The following KHDC4 variants were observed in gnomAD, a reference collection of about 807,000 sequenced individuals.
KHDC4 encodes KH homology domain-containing protein 4.
In KHDC4, 19 loss-of-function variants were observed where a neutral mutation model predicts 74.5. That is an observed-to-expected ratio of 0.26 (90% CI 0.18 to 0.37). The LOEUF (loss-of-function observed/expected upper bound fraction) is 0.37, where lower values mean the gene tolerates loss of function less well. KHDC4 is among the 10% of genes least tolerant of loss of function. KHDC4 has a pLI of 1.00. For synonymous variants in KHDC4, 253 were observed against 266.1 expected (o/e 0.95, Z 0.48); for missense variants, 632 against 754.1 (o/e 0.84, Z 1.90).
At chr1:155,915,603 G>C (rs1451594552) in intron 13 of KHDC4, 1 of 403,886 alleles carries the variant, frequency 2.5e-6, no homozygotes, top group Non-Finnish European at 4.3e-6. Flanking sequence ...TGCCTCCCAG[G>C]TTGAAGCGAT....
chr1:155,916,669 T>C lies in KHDC4; in HGVS notation c.1509A>G (p.Gly503=). ...TGCCTGAGGAACTTGCTGGCTTCGA[T>C]CCTGCACCTTCAATCTCATTCTGAC... ...FSSQNEIEGA[G]SKPASSSGKE... is the part of the protein sequence containing the mutation. The change falls in exon 12 of 14, where the codon GGA becomes GGG. Residue 503 remains glycine, a synonymous_variant. Transcript: ENST00000368321. 1.2e-6 allele frequency: 2 copies of C among 1,614,030 alleles called. No individual in the cohort carries two copies.
chr1:155,925,891 A>G (rs1673980757), intron 6 of KHDC4, 48 bp from the exon 7 acceptor site: 1 of 1,392,264 alleles, frequency 7.2e-7, no homozygotes, highest in African/African-American at 1.4e-5. Flanking sequence ...ATATAATTAA[A>G]TCCTCAATCT....
At chr1:155,923,545 T>G in intron 8 of KHDC4, 82 bp downstream of exon 8, 1 of 1,047,604 alleles carries the variant, frequency 9.5e-7, no homozygotes, top group Non-Finnish European at 1.5e-6. Flanking sequence ...ACTAGGAAAC[T>G]AAACAGGTGA....
rs773608166 is a variant in KHDC4, at chr1:155,933,845, G to C, written c.43C>G (p.Arg15Gly). The C allele has an allele frequency of 6.5e-7, 1 of 1,542,306 alleles. No homozygotes were observed. Among genetic ancestry groups the C allele is most frequent in the South Asian group, 1.2e-5 (1 of 83,688 alleles). Residue 15 changes from arginine (R) to glycine (G), a missense_variant, in exon 2 of 14, where the codon CGC becomes GGC. Transcript: ENST00000368321. The stretch of plus-strand genomic sequence containing the variant: ...GGAGCTGGTTGGTCCCATTTGCTGC[G>C]GCGCCTACATGGAGAAAAAGGAAAA... ...SATHPGAGGRRSKWDQPAPAP... is the reference protein window; with the variant it reads ...SATHPGAGGRGSKWDQPAPAP...
chr1:155,926,287 T>C (rs1024555312), intron 6 of KHDC4, among the ~76,000 whole-genome samples: 2 of 151,894 alleles, frequency 1.3e-5, no homozygotes, highest in African/African-American at 4.8e-5. Flanking sequence ...GAATTTGGAA[T>C]TTCACGATTT....
chr1:155,919,060 T>G (rs1344866966), intron 10 of KHDC4, among the ~76,000 whole-genome samples: 1 of 144,186 alleles, frequency 6.9e-6, no homozygotes, highest in African/African-American at 2.5e-5. Flanking sequence ...CTCTGACTCC[T>G]GGGTTCAAGC....
rs1372350255 is a variant in KHDC4, at chr1:155,926,776, C to T, written c.581G>A (p.Ser194Asn). 2 of 1,614,030 alleles carry T rather than the reference C, an allele frequency of 1.2e-6. No individual in the cohort carries two copies. The highest frequency in any genetic ancestry group is 1.7e-6 in the Non-Finnish European group (2 of 1,180,024). Reference sequence around the variant, plus strand: ...TACTGTTGCACCATTAAAAGTTGGACTTGTTCCTGTGGCAGCTTTTACCAC... The same window carrying T: ...TACTGTTGCACCATTAAAAGTTGGATTTGTTCCTGTGGCAGCTTTTACCAC... ...NGVVKAATGT[S>N]PTFNGATVTV... The change falls in exon 6 of 14, where the codon AGT becomes AAT. Residue 194 changes from serine (S) to asparagine (N), a missense_variant. Transcript: ENST00000368321.
At chr1:155,934,038 T>C (rs988528426) in intron 1 of KHDC4, among the ~76,000 whole-genome samples, 189 bp from the exon 2 acceptor site, 2 of 152,110 alleles carry the variant, frequency 1.3e-5, no homozygotes, top group Non-Finnish European at 1.5e-5. Context: ...CTTTCAACCC[T>C]TCCCCAAAAT....
Position 155,922,335 on chromosome 1 carries a change from G to A in KHDC4, c.955-417C>T, listed in dbSNP as rs143667177. Among the ~76,000 whole-genome samples, 653 of 151,936 alleles carry A rather than the reference G, an allele frequency of 4.3e-3. 4 individuals are homozygous for A. The highest frequency in any genetic ancestry group is 0.015 in the African/African-American group (632 of 41,418). On this transcript the variant is annotated intron_variant, in intron 8 of 13. Coordinates refer to ENST00000368321, the MANE Select transcript of KHDC4 (RefSeq NM_014949.4). ...TAGTTTTTGTATTTTTAGTAGAGAC[G>A]GGGGTTTCACGATGTTGGCCAGGCT...
At chr1:155,923,548 A>G (rs1673915767) in intron 8 of KHDC4, 79 bp downstream of exon 8, 1 of 1,062,750 alleles carries the variant, frequency 9.4e-7, no homozygotes, top group Admixed American at 1.7e-5. Flanking sequence ...AGGAAACTAA[A>G]CAGGTGAAAG....
At chr1:155,926,102 A>G (rs1366482424) in intron 6 of KHDC4, 2 of 659,082 alleles carry the variant, frequency 3.0e-6, no homozygotes, top group Non-Finnish European at 5.7e-6. Context: ...TCAAGTTTAC[A>G]AATACAAATT....
At position 155,917,551 on chromosome 1, in the gene KHDC4, C is replaced by T. The variant is rs754017758; in HGVS notation, c.1388G>A (p.Arg463Gln). ...TTCATCTGGTAGCTCCTCTGTGAAT[C>T]GTCTCTTCTGTGCCTGGGGCTGACT... ...LPSQPQAQKR[R>Q]FTEELPDERE... The change falls in exon 11 of 14, where the codon CGA becomes CAA. Residue 463 changes from arginine (R) to glutamine (Q), a missense_variant. Around this residue, in one of 4 missense-constraint regions of KHDC4, gnomAD observed 254 missense variants for 267.4 expected, o/e 0.95. Coordinates refer to ENST00000368321, the MANE Select transcript of KHDC4 (RefSeq NM_014949.4). The T allele has an allele frequency of 1.4e-6, 2 of 1,411,460 alleles. No individual in the cohort carries two copies. 87.4% of individuals were successfully genotyped at this position (1,411,460 alleles called of 1,614,324 possible).
chr1:155,932,902 T>C (rs1043846248), intron 2 of KHDC4, among the ~76,000 whole-genome samples: 2 of 152,086 alleles, frequency 1.3e-5, no homozygotes, highest in Non-Finnish European at 2.9e-5. Flanking sequence ...ACCCCACTAC[T>C]GCACTTCAGG....
In KHDC4 at chr1:155,920,446, A is replaced by T. The variant is rs146962435; in HGVS notation, c.1266+929T>A. 4.5e-3 allele frequency among the ~76,000 whole-genome samples: 686 copies of T among 152,046 alleles called. 5 individuals are homozygous for T. The highest frequency in any genetic ancestry group is 0.016 in the African/African-American group (662 of 41,508). ...AGCGAGACTCTGTCTCAAAAAAAAA[A>T]TTTTTTTAAGTATACATTTCTTAAG... On this transcript the variant is annotated intron_variant, in intron 10 of 13. Coordinates refer to ENST00000368321, the MANE Select transcript of KHDC4 (RefSeq NM_014949.4).
At chr1:155,926,623 T>C in intron 6 of KHDC4, 53 bp downstream of exon 6, 3 of 1,585,746 alleles carry the variant, frequency 1.9e-6, no homozygotes, top group South Asian at 2.2e-5. Context: ...GGCCAGCACA[T>C]ATCATTTTTA....
chr1:155,916,461 T>A (rs1351146224), intron 12 of KHDC4, among the ~76,000 whole-genome samples, 164 bp downstream of exon 12: 1 of 152,240 alleles, frequency 6.6e-6, no homozygotes, highest in Non-Finnish European at 1.5e-5. Flanking sequence ...AAAAGGCCTA[T>A]CATATTTTAC....
chr1:155,930,426 G>A lies in KHDC4; in HGVS notation c.256-586C>T, dbSNP rs186548645. On this transcript the variant is annotated intron_variant, in intron 2 of 13. Coordinates refer to ENST00000368321, the MANE Select transcript of KHDC4 (RefSeq NM_014949.4). ...CAATCAAGATTTCTCTGTGACCTTG[G>A]CCCTATGTGCATTTTTATGACCACC... Among the ~76,000 whole-genome samples the A allele has an allele frequency of 8.5e-5, 13 of 152,228 alleles. No homozygotes were observed. In the East Asian group the frequency reaches 2.5e-3, roughly 29 times the overall value.
chr1:155,931,268 C>G (rs573649403), intron 2 of KHDC4, among the ~76,000 whole-genome samples: 43 of 104,320 alleles, frequency 4.1e-4, no homozygotes, highest in Middle Eastern at 0.02. Flanking sequence ...CCAGCCTGGG[C>G]AACAAAGCAA....
intron 8 of KHDC4, 76 bp downstream of exon 8, chr1:155,923,551 G>T: frequency 9.1e-7 from 1 of 1,099,832 alleles, no homozygotes; most frequent in Non-Finnish European, 1.4e-6. Context: ...AAACTAAACA[G>T]GTGAAAGAAA....
Sources: gnomAD v4.1 joint callset for allele counts (sites outside exome capture counted in the v4.1 genomes callset) on GRCh38, gnomAD v4.1.1 for gene constraint, gnomAD v4.1.1 regional missense constraint, MANE v1.5 for transcripts, NCBI Gene and HGNC (gene_info 2026-07-23, HGNC 2026-07-21) for gene names.